Variants in PCDHA7 observed in about 807,000 individuals in gnomAD.
The protein encoded by PCDHA7 is protocadherin alpha-7.
PCDHA7 carries 37 observed loss-of-function variants against 57.2 expected under a neutral mutation model. That is an observed-to-expected ratio of 0.65 (90% CI 0.50 to 0.85). The LOEUF is 0.85. Ranked by LOEUF, PCDHA7 falls within the 40% of genes least tolerant of loss-of-function variation. The pLI is 0.00. For synonymous variants in PCDHA7, 553 were observed against 558.8 expected, an observed-to-expected ratio of 0.99 and a Z score of 0.15; for missense variants, 1,188 against 1,241.8, an observed-to-expected ratio of 0.96 and a Z score of 0.65.
intron 1 of PCDHA7, chr5:140,856,004 T>C (rs782001586): frequency 6.5e-7 from 1 of 1,538,284 alleles, no homozygotes; most frequent in Non-Finnish European, 8.8e-7. Context: ...GTATGTGCGT[T>C]CTAGACCGCT....
intron 1 of PCDHA7, chr5:140,852,686 T>G: frequency 1.0e-6 from 1 of 969,714 alleles, no homozygotes; most frequent in Non-Finnish European, 1.2e-6. Context: ...TTGAATATAG[T>G]CTTATACTTT....
intron 1 of PCDHA7, among the ~76,000 whole-genome samples, chr5:140,933,345 A>G (rs1257404732): frequency 6.6e-6 from 1 of 151,960 alleles, no homozygotes; most frequent in Non-Finnish European, 1.5e-5. Flanking sequence ...AAAGATAAAC[A>G]CTTTATTTCT....
chr5:140,887,654 G>A (rs2061529435), intron 1 of PCDHA7, among the ~76,000 whole-genome samples: 1 of 151,712 alleles, frequency 6.6e-6, no homozygotes, highest in South Asian at 2.1e-4. Context: ...TGATATTCTT[G>A]GATCTGTGGA....
intron 1 of PCDHA7, chr5:140,871,176 G>T: frequency 6.2e-7 from 1 of 1,613,534 alleles, no homozygotes; most frequent in African/African-American, 1.3e-5. Context: ...CAGAGGCTGC[G>T]CTGGTGGATG....
intron 1 of PCDHA7, chr5:140,882,822 G>A (rs782258212): frequency 6.2e-7 from 1 of 1,614,080 alleles, no homozygotes; most frequent in African/African-American, 1.3e-5. Flanking sequence ...GCACAAAACA[G>A]TCTTGAGCAA....
intron 1 of PCDHA7, among the ~76,000 whole-genome samples, chr5:140,970,397 T>C (rs2096402198): frequency 6.6e-6 from 1 of 152,218 alleles, no homozygotes; most frequent in Non-Finnish European, 1.5e-5. Flanking sequence ...GGAAAGTGGA[T>C]GGCTTACCCT....
At chr5:141,002,312 C>T (rs1171531371) in intron 3 of PCDHA7, among the ~76,000 whole-genome samples, 1 of 152,230 alleles carries the variant, frequency 6.6e-6, no homozygotes, top group East Asian at 1.9e-4. Flanking sequence ...GGGGCCGAAA[C>T]CTGGAGGCCG....
At chr5:140,841,276 T>A in intron 1 of PCDHA7, 67 of 1,485,756 alleles carry the variant, frequency 4.5e-5, no homozygotes, top group Middle Eastern at 1.8e-4. Flanking sequence ...CAGTCGTTCA[T>A]CTTTATATTA....
rs200002785 is a variant in PCDHA7, at chr5:140,870,350, A to G, written c.2355+33612A>G. On this transcript the variant is annotated intron_variant, in intron 1 of 3. Transcript: ENST00000525929. ...CTGGACAGCGCCCTGGACCGCGAGA[A>G]CGTGTGGGCCTATGAACTGGTGGTG... 1.1e-4 allele frequency: 183 copies of G among 1,614,052 alleles called. 1 individual carries two copies. Among genetic ancestry groups the G allele is most frequent in the Middle Eastern group, 3.3e-4 (2 of 6,084 alleles).
intron 1 of PCDHA7, chr5:140,883,058 C>T (rs782098362): frequency 6.2e-7 from 1 of 1,614,074 alleles, no homozygotes; most frequent in Admixed American, 1.7e-5. Flanking sequence ...AGTGATCAAG[C>T]TAAATGCCAC....
chr5:140,844,144 A>G (rs1289976032), intron 1 of PCDHA7, among the ~76,000 whole-genome samples: 1 of 149,504 alleles, frequency 6.7e-6, no homozygotes, highest in Non-Finnish European at 1.5e-5. Context: ...TGTTGTCTTT[A>G]TATTTACTTT....
chr5:140,993,519 GAGAC>G (rs1554253814), intron 3 of PCDHA7, among the ~76,000 whole-genome samples: 1 of 151,288 alleles, frequency 6.6e-6, no homozygotes, highest in Non-Finnish European at 1.5e-5. Context: ...CGGGGAGAGA[GAGAC>G]AGAGAGAGAG....
At chr5:140,840,489 C>T (rs2150307286) in intron 1 of PCDHA7, among the ~76,000 whole-genome samples, 6 of 151,924 alleles carry the variant, frequency 3.9e-5, no homozygotes, top group Non-Finnish European at 5.9e-5. Flanking sequence ...AGGCATAATT[C>T]TGGTAAATAC....
intron 3 of PCDHA7, among the ~76,000 whole-genome samples, chr5:141,007,395 CA>C (rs35800918): frequency 0.59 from 55,851 of 95,076 alleles, 14,598 homozygotes; most frequent in African/African-American, 0.74. Context: ...TACTAAAATA[CA>C]AAAAAAAAAA....
intron 1 of PCDHA7, chr5:140,884,272 G>A (rs1554181402): frequency 6.2e-7 from 1 of 1,613,574 alleles, no homozygotes; most frequent in South Asian, 1.1e-5. Flanking sequence ...TGCTGTTGTC[G>A]CTGGTGGAGA....
chr5:140,842,590 G>T (rs2150340027), intron 1 of PCDHA7: 1 of 1,530,304 alleles, frequency 6.5e-7, no homozygotes, highest in Admixed American at 1.8e-5. Context: ...CCTATGAGTT[G>T]GTGGTAACCG....
At chr5:140,871,530 T>C (rs188075654) in intron 1 of PCDHA7, 2 of 1,514,446 alleles carry the variant, frequency 1.3e-6, no homozygotes, top group Admixed American at 4.8e-5. Flanking sequence ...TCAGGAAGTG[T>C]ATGTGAAATT....
At chr5:140,922,839 C>T (rs2081023123) in intron 1 of PCDHA7, among the ~76,000 whole-genome samples, 1 of 152,140 alleles carries the variant, frequency 6.6e-6, no homozygotes, top group South Asian at 2.1e-4. Context: ...TAGATGTCCT[C>T]AAAGAGACCA....
intron 1 of PCDHA7, among the ~76,000 whole-genome samples, chr5:140,947,497 T>A (rs1289449406): frequency 6.6e-6 from 1 of 151,724 alleles, no homozygotes; most frequent in Non-Finnish European, 1.5e-5. Flanking sequence ...ATAGGTCATT[T>A]AAATTTTCAT....
Sources: gnomAD v4.1 joint callset for allele counts (sites outside exome capture counted in the v4.1 genomes callset) on GRCh38, gnomAD v4.1.1 for gene constraint, MANE v1.5 for transcripts, NCBI Gene and HGNC (gene_info 2026-07-23, HGNC 2026-07-21) for gene names.